Variants in MED11 observed in about 807,000 individuals in gnomAD.
MED11 encodes the protein mediator complex subunit 11.
MED11 carries 19 observed loss-of-function variants against 13.9 expected under a neutral mutation model. The ratio of observed to expected loss-of-function variants is 1.36; its 90% CI spans 0.95 to 2.00. The LOEUF (loss-of-function observed/expected upper bound fraction) is 2.00. Ranked by LOEUF, MED11 falls within the 30% of genes most tolerant of loss-of-function variation. The probability of loss-of-function intolerance (pLI) is 0.00; values close to 1 mark genes in which losing one functional copy is unlikely to be tolerated. For synonymous variants in MED11, 67 were observed against 62.1 expected (o/e 1.08, Z -0.37); for missense variants, 134 against 150.2 (o/e 0.89, Z 0.56).
At position 4,731,655 on chromosome 17, in the gene MED11, A is replaced by G. The variant is rs749879715; in HGVS notation, c.85+81A>G. 8 of 1,607,478 alleles carry G rather than the reference A, an allele frequency of 5.0e-6. No homozygotes were observed. The East Asian group carries it at 1.6e-4, about 31-fold the overall frequency. ...GGCAGCCTGACCTGGGACTTGGAGC[A>G]GGGTTGGGGAGGGAATCCTACGTGC... On this transcript the variant is annotated intron_variant, in intron 1 of 2. Transcript: ENST00000293777.
Position 4,733,057 on chromosome 17 carries a change from C to T in MED11, c.224C>T (p.Thr75Ile). The T allele has an allele frequency of 6.2e-7, 1 of 1,614,090 alleles. No homozygotes were observed. The change falls in exon 3 of 3, where the codon ACA becomes ATA. Residue 75 changes from threonine to isoleucine, a missense_variant. Physicochemically the swap from Thr to Ile is moderately conservative, Grantham distance 89 (BLOSUM62 -1). Transcript: ENST00000293777. ...TGATAGTCTGTCTTGTAGGTGGCCA[C>T]AGGGCAGCCCCATGAGGGCTCCAGC... ...AQIRYLTQVA[T>I]GQPHEGSSYS...
chr17:4,732,292 G>A (rs956711867), intron 2 of MED11: 35 of 208,564 alleles, frequency 1.7e-4, no homozygotes, highest in African/African-American at 3.5e-4. Flanking sequence ...GGCTGGTAGC[G>A]GGCACCTGTA....
intron 2 of MED11, chr17:4,732,433 A>AAAAAAAAAAAAG (rs1567693417): frequency 2.0e-5 from 3 of 153,606 alleles, no homozygotes; most frequent in Non-Finnish European, 4.2e-5. Flanking sequence ...AAAAAAAAAA[A>AAAAAAAAAAAAG]GCCGGGCTTG....
chr17:4,731,774 A>G lies in MED11; in HGVS notation c.86-2A>G. On this transcript the variant is annotated splice_acceptor_variant, in intron 1 of 2. Transcript: ENST00000293777. LOFTEE classifies it high-confidence loss of function. ...GTCCCCGCCCTCTCTCCGCCCTGGCAGGTACTGTGATCCTAGAATTGTCCA... is the reference window on the plus strand; with the variant it reads ...GTCCCCGCCCTCTCTCCGCCCTGGCGGGTACTGTGATCCTAGAATTGTCCA... 2 of 1,613,780 alleles carry G rather than the reference A, an allele frequency of 1.2e-6. No individual in the cohort carries two copies. The highest frequency in any genetic ancestry group is 1.7e-6 in the Non-Finnish European group (2 of 1,179,826).
chr17:4,732,993 T>C (rs767439669), intron 2 of MED11, 57 bp from the exon 3 acceptor site: 1 of 1,579,944 alleles, frequency 6.3e-7, no homozygotes, highest in South Asian at 1.1e-5. Context: ...CGAGACCTGA[T>C]GCCTGGTTGG....
intron 2 of MED11, among the ~76,000 whole-genome samples, chr17:4,732,695 C>T (rs1186813867): frequency 6.6e-6 from 1 of 152,154 alleles, no homozygotes; most frequent in African/African-American, 2.4e-5. Context: ...AACTACAGAA[C>T]TTTGTCACTG....
chr17:4,733,413 A>C lies in MED11; in HGVS notation c.*226A>C. The stretch of plus-strand genomic sequence containing the variant: ...TGCTCCTGCTCTGCACTCCAGAAAC[A>C]CCCTGACAGGCTCAGAGAGGAGATG... On this transcript the variant is annotated 3_prime_UTR_variant, in exon 3 of 3. Transcript: ENST00000293777. 2.0e-6 allele frequency: 1 copy of C among 487,982 alleles called. No homozygotes were observed. The highest frequency in any genetic ancestry group is 3.7e-6 in the Non-Finnish European group (1 of 273,370). 30.2% of individuals were successfully genotyped at this position (487,982 alleles called of 1,614,324 possible). A position where few individuals can be genotyped will look rare whatever the true frequency, so the allele number is the denominator to read the frequency against.
At chr17:4,731,656 G>T in intron 1 of MED11, 82 bp downstream of exon 1, 3 of 1,608,574 alleles carry the variant, frequency 1.9e-6, no homozygotes, top group Non-Finnish European at 2.6e-6. Context: ...ACTTGGAGCA[G>T]GGTTGGGGAG....
In MED11 at chr17:4,731,598, A is replaced by G. The variant is rs146393369; in HGVS notation, c.85+24A>G. ...AGGTTCGGGATGCGACAACCTGGAC[A>G]GCGGGGAGCGAAAGCGTGACCGGGC... On this transcript the variant is annotated intron_variant, in intron 1 of 2. Coordinates refer to ENST00000293777, the MANE Select transcript of MED11 (RefSeq NM_001001683.4). The G allele has an allele frequency of 3.8e-4, 616 of 1,613,914 alleles. No homozygotes were observed. In the African/African-American group the frequency reaches 4.4e-3, roughly 11 times the overall value.
chr17:4,731,634 G>C lies in MED11; in HGVS notation c.85+60G>C. ...AAAGCGTGACCGGGCTGCACTGGCA[G>C]CCTGACCTGGGACTTGGAGCAGGGT... On this transcript the variant is annotated intron_variant, in intron 1 of 2. Coordinates refer to ENST00000293777, the MANE Select transcript of MED11 (RefSeq NM_001001683.4). The C allele has an allele frequency of 1.9e-6, 3 of 1,611,182 alleles. 1 individual carries two copies. Among genetic ancestry groups the C allele is most frequent in the South Asian group, 2.2e-5 (2 of 90,898 alleles).
Position 4,733,081 on chromosome 17 carries a change from G to A in MED11, c.248G>A (p.Ser83Asn). 6.2e-7 allele frequency: 1 copy of A among 1,614,198 alleles called. No individual in the cohort carries two copies. The highest frequency in any genetic ancestry group is 8.5e-7 in the Non-Finnish European group (1 of 1,180,030). ...ACAGGGCAGCCCCATGAGGGCTCCA[G>A]CTACTCTTCGAGGAAGGACTGTCAG... is the stretch of plus-strand genomic sequence containing the variant. ...VATGQPHEGS[S>N]YSSRKDCQMA... Residue 83 changes from serine (S) to asparagine (N), a missense_variant, in exon 3 of 3, where the codon AGC (serine) becomes AAC (asparagine). By Grantham distance (46) the Ser-to-Asn change is conservative. Transcript: ENST00000293777.
In MED11 at chr17:4,731,860, A is replaced by C; in HGVS notation, c.170A>C (p.Gln57Pro). The C allele has an allele frequency of 3.1e-6, 5 of 1,614,082 alleles. No homozygotes were observed. In the South Asian group the frequency reaches 5.5e-5, roughly 18 times the overall value. The change falls in exon 2 of 3, where the codon CAA (glutamine) becomes CCA (proline). Residue 57 changes from glutamine to proline, a missense_variant. Gln to Pro is a moderately conservative substitution (Grantham distance 76). Coordinates refer to ENST00000293777, the MANE Select transcript of MED11 (RefSeq NM_001001683.4). ...GCGGCGGCCTTCACCGCTTCAGTGC[A>C]ACACGTGGAGGCGGAGCTGTCAGCT... ...RQAAAFTASV[Q>P]HVEAELSAQI...
chr17:4,732,495 G>A (rs1916015423), intron 2 of MED11: 1 of 156,292 alleles, frequency 6.4e-6, no homozygotes, highest in Non-Finnish European at 1.4e-5. Flanking sequence ...CAGGAGAATC[G>A]CTTGAACCCA....
Position 4,731,979 on chromosome 17 carries a change from G to T in MED11, c.216+73G>T, listed in dbSNP as rs189124719. 11 of 1,545,290 alleles carry T rather than the reference G, an allele frequency of 7.1e-6. No individual in the cohort carries two copies. The South Asian group carries it at 1.2e-4, about 17-fold the overall frequency. On this transcript the variant is annotated intron_variant, in intron 2 of 2. Coordinates refer to ENST00000293777, the MANE Select transcript of MED11 (RefSeq NM_001001683.4). The stretch of plus-strand genomic sequence containing the variant: ...AAGCCTCAGGCTTGGGTGATCCAGG[G>T]TGGAGCATTAACTGGGCAGGACCAG...
At position 4,732,002 on chromosome 17, in the gene MED11, C is replaced by T. The variant is rs551116131; in HGVS notation, c.216+96C>T. ...GGGTGGAGCATTAACTGGGCAGGACCAGACCTCCCCAGCCGGCCATCCAGA... is the reference window on the plus strand; with the variant it reads ...GGGTGGAGCATTAACTGGGCAGGACTAGACCTCCCCAGCCGGCCATCCAGA... On this transcript the variant is annotated intron_variant, in intron 2 of 2. Coordinates refer to ENST00000293777, the MANE Select transcript of MED11 (RefSeq NM_001001683.4). 1.0e-4 allele frequency: 141 copies of T among 1,405,624 alleles called. No homozygotes were observed. The South Asian group carries it at 1.9e-3, about 19-fold the overall frequency. The allele number at this position is 1,405,624 out of a possible 1,614,324, so 87.1% of individuals were successfully genotyped here.
chr17:4,733,565 A>G lies in MED11; in HGVS notation c.*378A>G, dbSNP rs1916058758. The G allele has an allele frequency of 5.6e-6, 1 of 177,396 alleles. No individual in the cohort carries two copies. The highest frequency in any genetic ancestry group is 1.2e-5 in the Non-Finnish European group (1 of 83,322). The allele number at this position is 177,396 out of a possible 1,614,324, so 11.0% of individuals were successfully genotyped here. Reference sequence around the variant, plus strand: ...AGACAAAACAAGAACTAGAGTTTTAATGATAATAAAAGCAATAATAATAAA... The same window carrying G: ...AGACAAAACAAGAACTAGAGTTTTAGTGATAATAAAAGCAATAATAATAAA... On this transcript the variant is annotated 3_prime_UTR_variant, in exon 3 of 3. Transcript: ENST00000293777.
At chr17:4,732,106 G>A in intron 2 of MED11, 200 bp downstream of exon 2, 1 of 565,228 alleles carries the variant, frequency 1.8e-6, no homozygotes, top group South Asian at 2.8e-5. Flanking sequence ...TGGCCAACAC[G>A]GTGAAACCTC....
At position 4,732,257 on chromosome 17, in the gene MED11, CT is replaced by C. The variant is rs1916003681; in HGVS notation, c.216+352del. 4 of 278,520 alleles carry C rather than the reference CT, an allele frequency of 1.4e-5. No homozygotes were observed. In the East Asian group the frequency reaches 2.6e-4, roughly 18 times the overall value. 17.3% of individuals were successfully genotyped at this position (278,520 alleles called of 1,614,324 possible). A position where few individuals can be genotyped will look rare whatever the true frequency, so the allele number is the denominator to read the frequency against. The stretch of plus-strand genomic sequence containing the variant: ...TGGCCAACATGGTGAAACTCCGTCT[CT>C]ACTAAAAATACAAAAATTAGCTGGG... On this transcript the variant is annotated intron_variant, in intron 2 of 2. Coordinates refer to ENST00000293777, the MANE Select transcript of MED11 (RefSeq NM_001001683.4).
chr17:4,732,994 G>T, intron 2 of MED11, 56 bp from the exon 3 acceptor site: 3 of 1,580,496 alleles, frequency 1.9e-6, no homozygotes, highest in Non-Finnish European at 2.6e-6. Flanking sequence ...GAGACCTGAT[G>T]CCTGGTTGGA....
Sources: gnomAD v4.1 joint callset for allele counts (sites outside exome capture counted in the v4.1 genomes callset) on GRCh38, gnomAD v4.1.1 for gene constraint, MANE v1.5 for transcripts, NCBI Gene and HGNC (gene_info 2026-07-23, HGNC 2026-07-21) for gene names.